The following SSBP3 variants were observed in gnomAD, a reference collection of about 807,000 sequenced individuals.
The protein encoded by SSBP3 is single stranded DNA binding protein 3.
SSBP3 carries 5 observed loss-of-function variants against 69.6 expected under a neutral mutation model. The ratio of observed to expected loss-of-function variants is 0.07; its 90% confidence interval spans 0.04 to 0.15. SSBP3 has a LOEUF of 0.15. Among genes scored for constraint, SSBP3 ranks in the 10% least tolerant of loss-of-function variants. The pLI is 1.00. For synonymous variants in SSBP3, 196 were observed against 193.4 expected, an observed-to-expected ratio of 1.01 and a Z score of -0.11; for missense variants, 312 against 534.0, an observed-to-expected ratio of 0.58 and a Z score of 4.10.
At chr1:54,287,445 G>A (rs1368745235) in intron 4 of SSBP3, 2 of 152,376 alleles carry the variant, frequency 1.3e-5, no homozygotes, top group African/African-American at 2.4e-5. Flanking sequence ...GTGTGCTGAG[G>A]GTGGAGCCAT....
intron 4 of SSBP3, among the ~76,000 whole-genome samples, chr1:54,400,157 C>T (rs929003544): frequency 4.6e-5 from 7 of 152,124 alleles, no homozygotes; most frequent in South Asian, 2.1e-4. Flanking sequence ...GGATGGAAGA[C>T]GACACCACAA....
intron 4 of SSBP3, among the ~76,000 whole-genome samples, chr1:54,387,847 C>G (rs927250104): frequency 2.6e-5 from 4 of 152,096 alleles, no homozygotes; most frequent in African/African-American, 7.2e-5. Context: ...ACACAGGTAC[C>G]CTTGCTGCAC....
chr1:54,230,294 T>C (rs1213387848), intron 14 of SSBP3, among the ~76,000 whole-genome samples: 1 of 152,168 alleles, frequency 6.6e-6, no homozygotes, highest in Admixed American at 6.5e-5. Context: ...TTCATGCTTA[T>C]TAACCTAAGT....
chr1:54,271,958 C>T (rs975470050), intron 5 of SSBP3, among the ~76,000 whole-genome samples: 2 of 152,114 alleles, frequency 1.3e-5, no homozygotes, highest in South Asian at 2.1e-4. Context: ...TCAATACAGA[C>T]GAGGTTTCAC....
chr1:54,359,937 T>C (rs1646925562), intron 4 of SSBP3, among the ~76,000 whole-genome samples: 1 of 151,100 alleles, frequency 6.6e-6, no homozygotes, highest in Non-Finnish European at 1.5e-5. Context: ...CACCAAGGAG[T>C]CAAACCATGA....
chr1:54,371,115 T>C (rs1647126032), intron 4 of SSBP3, among the ~76,000 whole-genome samples: 2 of 151,940 alleles, frequency 1.3e-5, no homozygotes, highest in Non-Finnish European at 2.9e-5. Flanking sequence ...ACGAGAAAGG[T>C]CTCCAAACAC....
intron 5 of SSBP3, among the ~76,000 whole-genome samples, chr1:54,269,999 G>T (rs1645166105): frequency 6.6e-6 from 1 of 152,226 alleles, no homozygotes; most frequent in African/African-American, 2.4e-5. Context: ...GCACAGCGGG[G>T]CTGGGCAGAA....
chr1:54,282,405 C>T (rs187319195), intron 4 of SSBP3, among the ~76,000 whole-genome samples: 84 of 152,364 alleles, frequency 5.5e-4, no homozygotes, highest in African/African-American at 2.0e-3. Context: ...CTTGGCCCTG[C>T]AGGGTCCTAG....
At chr1:54,288,469 C>G (rs1435023819) in intron 4 of SSBP3, among the ~76,000 whole-genome samples, 1 of 151,954 alleles carries the variant, frequency 6.6e-6, no homozygotes, top group Non-Finnish European at 1.5e-5. Flanking sequence ...GGTCTTGATA[C>G]CTGAGCTTAT....
rs540290057 is a variant in SSBP3, at chr1:54,321,555, C to T, written c.277-40028G>A. Among the ~76,000 whole-genome samples, 9 of 152,382 alleles carry T rather than the reference C, an allele frequency of 5.9e-5. No individual in the cohort carries two copies. In the South Asian group the frequency reaches 1.7e-3, roughly 28 times the overall value. On this transcript the variant is annotated intron_variant, in intron 4 of 17. Transcript: ENST00000610401. ...ACAAACAAGTAGGGCAACTCTCAGGCCAGAGGCCTGGGAAGGCCTTAACCT... is the reference window on the plus strand; with the variant it reads ...ACAAACAAGTAGGGCAACTCTCAGGTCAGAGGCCTGGGAAGGCCTTAACCT...
chr1:54,299,470 C>T (rs1645761849), intron 4 of SSBP3, among the ~76,000 whole-genome samples: 1 of 151,648 alleles, frequency 6.6e-6, no homozygotes, highest in East Asian at 1.9e-4. Flanking sequence ...CCTCTTACTC[C>T]ACCACGCTGT....
intron 12 of SSBP3, 98 bp downstream of exon 12, chr1:54,241,376 A>G: frequency 1.5e-6 from 2 of 1,297,950 alleles, no homozygotes; most frequent in Non-Finnish European, 2.2e-6. Context: ...GCTCAGAAGA[A>G]TGTGTGAAAG....
At chr1:54,361,859 T>C (rs1384038260) in intron 4 of SSBP3, among the ~76,000 whole-genome samples, 2 of 152,230 alleles carry the variant, frequency 1.3e-5, no homozygotes, top group Admixed American at 1.3e-4. Context: ...GCCCTAATTT[T>C]TAACTGTCCC....
chr1:54,251,563 G>A (rs1644829234), intron 9 of SSBP3, 53 bp downstream of exon 9: 3 of 1,514,536 alleles, frequency 2.0e-6, no homozygotes, highest in East Asian at 2.5e-5. Context: ...AGGAGAGAAG[G>A]CGGGTGCACA....
At chr1:54,386,742 C>G (rs1405932592) in intron 4 of SSBP3, among the ~76,000 whole-genome samples, 1 of 123,402 alleles carries the variant, frequency 8.1e-6, no homozygotes, top group African/African-American at 3.3e-5. Context: ...CAGGCATGAT[C>G]ATAGCTCACT....
At chr1:54,288,068 A>G (rs1170481707) in intron 4 of SSBP3, among the ~76,000 whole-genome samples, 1 of 152,208 alleles carries the variant, frequency 6.6e-6, no homozygotes, top group East Asian at 1.9e-4. Context: ...AGATGCCCCA[A>G]GCTACAAAAA....
intron 11 of SSBP3, 41 bp from the exon 12 acceptor site, chr1:54,241,550 G>A: frequency 1.2e-6 from 2 of 1,609,382 alleles, no homozygotes; most frequent in Admixed American, 1.7e-5. Context: ...CAGAGTCACT[G>A]AGTGCCCTCA....
At chr1:54,354,292 G>A (rs1454009034) in intron 4 of SSBP3, among the ~76,000 whole-genome samples, 1 of 152,196 alleles carries the variant, frequency 6.6e-6, no homozygotes, top group Non-Finnish European at 1.5e-5. Context: ...GCCACATGCA[G>A]GGCAGGTGGA....
chr1:54,279,125 C>T (rs561533778), intron 5 of SSBP3, among the ~76,000 whole-genome samples: 3 of 152,160 alleles, frequency 2.0e-5, no homozygotes, highest in South Asian at 4.1e-4. Flanking sequence ...AATCACCCAA[C>T]GTCACCCAGG....
Sources: allele counts gnomAD v4.1 joint callset (sites outside exome capture counted in the v4.1 genomes callset), GRCh38; gene constraint gnomAD v4.1.1; transcripts MANE v1.5; gene names NCBI Gene and HGNC (gene_info 2026-07-23, HGNC 2026-07-21).